Variants in NUP214 observed in about 807,000 individuals in gnomAD.
NUP214 encodes the protein nuclear pore complex protein Nup214.
In NUP214, 79 loss-of-function variants were observed where a neutral mutation model predicts 196.2. The ratio of observed to expected loss-of-function variants is 0.40; its 90% CI spans 0.34 to 0.49. NUP214 has a LOEUF of 0.49. Ranked by LOEUF, NUP214 falls within the 20% of genes least tolerant of loss-of-function variation. The pLI, the probability that NUP214 is intolerant of heterozygous loss-of-function variation, is 0.58. For missense variants in NUP214, 2,468 were observed against 2,539.0 expected (o/e 0.97, Z 0.60); for synonymous variants, 1,020 against 990.5 (o/e 1.03, Z -0.56).
At position 131,139,352 on chromosome 9, in the gene NUP214, C is replaced by T. The variant is rs376588410; in HGVS notation, c.1077C>T (p.Asp359=). 23 of 1,584,760 alleles carry T rather than the reference C, an allele frequency of 1.5e-5. No individual in the cohort carries two copies. The highest frequency in any genetic ancestry group is 1.8e-5 in the Non-Finnish European group (21 of 1,164,750). ...AELPVTDKSD[D]SLPMGVVVDY... is the part of the protein sequence containing the mutation. ...TGCCTGTGACAGACAAGAGTGATGA[C>T]TCCTTGCCCATGGGAGTTGTCGTAG... Residue 359 remains aspartate (D), a synonymous_variant, in exon 10 of 36, where the codon GAC becomes GAT. Coordinates refer to ENST00000359428, the MANE Select transcript of NUP214 (RefSeq NM_005085.4).
At chr9:131,192,144 A>G in intron 26 of NUP214, 64 bp from the exon 27 acceptor site, 2 of 1,047,710 alleles carry the variant, frequency 1.9e-6, no homozygotes, top group African/African-American at 1.8e-5. Flanking sequence ...ACACTGGAAC[A>G]GTGTTTCTGT....
At chr9:131,209,184 G>T (rs530700632) in intron 30 of NUP214, among the ~76,000 whole-genome samples, 1 of 151,930 alleles carries the variant, frequency 6.6e-6, no homozygotes, top group Admixed American at 6.6e-5. Flanking sequence ...ACTAGCCTGG[G>T]CAACATGGCA....
intron 21 of NUP214, among the ~76,000 whole-genome samples, chr9:131,168,087 G>C (rs1189054378): frequency 6.6e-6 from 1 of 152,084 alleles, no homozygotes; most frequent in Non-Finnish European, 1.5e-5. Context: ...ACATGGTCTT[G>C]CTGTATTGCT....
chr9:131,151,919 T>G (rs1832280328), intron 17 of NUP214, 25 bp downstream of exon 17: 5 of 1,536,872 alleles, frequency 3.3e-6, no homozygotes, highest in Non-Finnish European at 4.4e-6. Flanking sequence ...TAAATCTGTT[T>G]AAAAGATTTA....
At chr9:131,134,200 C>T (rs1319084140) in intron 7 of NUP214, among the ~76,000 whole-genome samples, 1 of 152,208 alleles carries the variant, frequency 6.6e-6, no homozygotes, top group Non-Finnish European at 1.5e-5. Context: ...CCCGCCTCAT[C>T]TCTCAGAGCA....
At chr9:131,215,636 A>G (rs958224656) in intron 31 of NUP214, among the ~76,000 whole-genome samples, 16 of 152,072 alleles carry the variant, frequency 1.1e-4, no homozygotes, top group East Asian at 3.9e-4. Flanking sequence ...CCAAGGCCCA[A>G]ATCGCTCTGT....
intron 30 of NUP214, among the ~76,000 whole-genome samples, chr9:131,202,473 G>GA (rs1334291929): frequency 1.9e-4 from 29 of 152,258 alleles, no homozygotes; most frequent in African/African-American, 6.7e-4. Flanking sequence ...GCCCAGGCTG[G>GA]AGGACAATGG....
At chr9:131,189,155 T>G in intron 26 of NUP214, 24 bp downstream of exon 26, 1 of 1,594,484 alleles carries the variant, frequency 6.3e-7, no homozygotes, top group Non-Finnish European at 8.6e-7. Context: ...TTTGTTTTCT[T>G]GAAAAGTGAA....
chr9:131,139,244 T>C, intron 9 of NUP214, 37 bp from the exon 10 acceptor site: 1 of 1,459,488 alleles, frequency 6.9e-7, no homozygotes, highest in Non-Finnish European at 9.0e-7. Flanking sequence ...TTCTTTTTTC[T>C]TCTTCTTCTT....
In NUP214 at chr9:131,222,893, A is replaced by C; in HGVS notation, c.5865A>C (p.Ala1955=). 9 of 1,614,184 alleles carry C rather than the reference A, an allele frequency of 5.6e-6. No individual in the cohort carries two copies. Among genetic ancestry groups the C allele is most frequent in the Non-Finnish European group, 7.6e-6 (9 of 1,180,026 alleles). The change falls in exon 32 of 36, where the codon GCA becomes GCC. Residue 1955 remains alanine (A), a synonymous_variant. Coordinates refer to ENST00000359428, the MANE Select transcript of NUP214 (RefSeq NM_005085.4). The stretch of plus-strand genomic sequence containing the variant: ...TCAGCTCTGGAGGAGGAAGTGTGGC[A>C]TCCCAAGGCTTTGGGTTTTCCTCTC... ...GTFSSGGGSV[A]SQGFGFSSPN...
At chr9:131,161,973 A>G (rs1274138845) in intron 18 of NUP214, among the ~76,000 whole-genome samples, 1 of 152,170 alleles carries the variant, frequency 6.6e-6, no homozygotes, top group Non-Finnish European at 1.5e-5. Context: ...AATCCAACAC[A>G]AATTCGTAAA....
chr9:131,150,930 C>T (rs893308327), intron 16 of NUP214, among the ~76,000 whole-genome samples, 165 bp downstream of exon 16: 1 of 152,060 alleles, frequency 6.6e-6, no homozygotes, highest in Non-Finnish European at 1.5e-5. Flanking sequence ...CAAATCCTAC[C>T]TTCAGCACTT....
chr9:131,192,821 G>T (rs1335703412), intron 27 of NUP214: 1 of 152,144 alleles, frequency 6.6e-6, no homozygotes, highest in Non-Finnish European at 1.5e-5. Context: ...CACTTCTATA[G>T]TCCCAGCCAC....
intron 21 of NUP214, among the ~76,000 whole-genome samples, chr9:131,167,937 T>C (rs534810419): frequency 6.6e-6 from 1 of 152,314 alleles, no homozygotes; most frequent in Admixed American, 6.5e-5. Flanking sequence ...CAGGCTGGAG[T>C]GTAGTGGTGC....
Position 131,223,896 on chromosome 9 carries a change from G to A in NUP214, c.5902+966G>A, listed in dbSNP as rs534427013. Among the ~76,000 whole-genome samples the A allele has an allele frequency of 3.3e-3, 495 of 149,952 alleles. 1 individual carries two copies. The highest frequency in any genetic ancestry group is 6.2e-3 in the Non-Finnish European group (418 of 67,428). Reference sequence around the variant, plus strand: ...ACTACAGGCGCCCGCCACCACGCCCGGCTAATTTTTTGTATTTTTAGTAGA... The same window carrying A: ...ACTACAGGCGCCCGCCACCACGCCCAGCTAATTTTTTGTATTTTTAGTAGA... On this transcript the variant is annotated intron_variant, in intron 32 of 35. Coordinates refer to ENST00000359428, the MANE Select transcript of NUP214 (RefSeq NM_005085.4).
At chr9:131,188,448 G>A (rs982516953) in intron 25 of NUP214, among the ~76,000 whole-genome samples, 1 of 152,222 alleles carries the variant, frequency 6.6e-6, no homozygotes, top group Non-Finnish European at 1.5e-5. Flanking sequence ...AGTAGTTTGT[G>A]TTAGAGATCA....
intron 14 of NUP214, among the ~76,000 whole-genome samples, chr9:131,147,827 A>C (rs907505030): frequency 1.3e-5 from 2 of 152,272 alleles, no homozygotes; most frequent in African/African-American, 4.8e-5. Context: ...ATACATGTAC[A>C]GCTCAGTGAA....
intron 23 of NUP214, among the ~76,000 whole-genome samples, chr9:131,176,677 G>A (rs1327883172): frequency 2.6e-5 from 4 of 152,044 alleles, no homozygotes; most frequent in African/African-American, 4.8e-5. Context: ...AGAAGGAAGC[G>A]CTAATAAGTC....
intron 33 of NUP214, 109 bp downstream of exon 33, chr9:131,228,440 C>T: frequency 1.8e-6 from 2 of 1,107,924 alleles, no homozygotes; most frequent in South Asian, 3.5e-5. Flanking sequence ...AAGGCCCCTC[C>T]CTTGAAATTT....
Sources: allele counts gnomAD v4.1 joint callset (sites outside exome capture counted in the v4.1 genomes callset), GRCh38; gene constraint gnomAD v4.1.1; transcripts MANE v1.5; gene names NCBI Gene and HGNC (gene_info 2026-07-23, HGNC 2026-07-21).